Variants in CDH20 observed in about 807,000 individuals in gnomAD.
The protein encoded by CDH20 is cadherin-20.
In CDH20, 29 loss-of-function variants were observed where a neutral mutation model predicts 74.2. The observed-to-expected ratio is 0.39, with a 90% CI of 0.29 to 0.53. The LOEUF is 0.53. Ranked by LOEUF, CDH20 falls within the 20% of genes least tolerant of loss-of-function variation. CDH20 has a pLI of 0.69. For missense variants in CDH20, 988 were observed against 1,048.3 expected (o/e 0.94, Z 0.79); for synonymous variants, 469 against 405.4 (o/e 1.16, Z -1.88).
intron 1 of CDH20, among the ~76,000 whole-genome samples, chr18:61,369,584 A>C (rs556236877): frequency 6.6e-6 from 1 of 152,246 alleles, no homozygotes; most frequent in East Asian, 1.9e-4. Context: ...AAAGGAATAT[A>C]AATCATTCTG....
At chr18:61,490,229 C>A (rs554905453) in intron 1 of CDH20, among the ~76,000 whole-genome samples, 173 bp from the exon 2 acceptor site, 1 of 152,192 alleles carries the variant, frequency 6.6e-6, no homozygotes, top group African/African-American at 2.4e-5. Context: ...GATGTGTTGT[C>A]TTATTATCAA....
chr18:61,482,838 T>G (rs953015165), intron 1 of CDH20, among the ~76,000 whole-genome samples: 2 of 152,154 alleles, frequency 1.3e-5, no homozygotes, highest in African/African-American at 4.8e-5. Context: ...AGTTGCTCAC[T>G]ATGAACTATG....
chr18:61,461,207 T>C (rs542574744), intron 1 of CDH20, among the ~76,000 whole-genome samples: 23 of 151,748 alleles, frequency 1.5e-4, no homozygotes, highest in Admixed American at 1.3e-3. Flanking sequence ...TCAAACAGTA[T>C]ATAAAACTAC....
chr18:61,442,148 G>A (rs1909052079), intron 1 of CDH20, among the ~76,000 whole-genome samples: 1 of 151,876 alleles, frequency 6.6e-6, no homozygotes, highest in Non-Finnish European at 1.5e-5. Context: ...CCAGGAATTC[G>A]AGACCAGCCT....
At chr18:61,390,772 T>C (rs934414504) in intron 1 of CDH20, among the ~76,000 whole-genome samples, 10 of 151,306 alleles carry the variant, frequency 6.6e-5, no homozygotes, top group African/African-American at 2.4e-4. Flanking sequence ...GGGAAGGAAA[T>C]AGTGGTTATT....
At chr18:61,361,048 TTTGA>T (rs1487244796) in intron 1 of CDH20, among the ~76,000 whole-genome samples, 1 of 152,248 alleles carries the variant, frequency 6.6e-6, no homozygotes, top group Non-Finnish European at 1.5e-5. Context: ...GGACAATTAA[TTTGA>T]TTATCATTCA....
chr18:61,434,497 C>T (rs1908762564), intron 1 of CDH20, among the ~76,000 whole-genome samples: 1 of 152,070 alleles, frequency 6.6e-6, no homozygotes, highest in South Asian at 2.1e-4. Context: ...CACCTCAGGC[C>T]CTGTAAGGGA....
In CDH20 at chr18:61,554,696, C is replaced by T. The variant is rs781286742; in HGVS notation, c.*1C>T. On this transcript the variant is annotated 3_prime_UTR_variant, in exon 12 of 12. Transcript: ENST00000262717. ...GGAGGGACCCGCGCCGCTGTGGTGA[C>T]GGAAGCCAGGAGGCAGGCGCGCGTC... 12 of 1,558,016 alleles carry T rather than the reference C, an allele frequency of 7.7e-6. No homozygotes were observed. Among genetic ancestry groups the T allele is most frequent in the South Asian group, 1.2e-5 (1 of 86,160 alleles).
chr18:61,363,300 C>T (rs1910759188), intron 1 of CDH20, among the ~76,000 whole-genome samples: 1 of 152,108 alleles, frequency 6.6e-6, no homozygotes, highest in African/African-American at 2.4e-5. Context: ...CAGAAGCCCT[C>T]GGTGCAGATC....
Position 61,486,918 on chromosome 18 carries a change from G to C in CDH20, c.-152-3484G>C, listed in dbSNP as rs375860043. Reference sequence around the variant, plus strand: ...AAGAAATCAGAGCAAGACCATAAAAGCCCAGTTCATTTCAAGGAGAAAGCA... The same window carrying C: ...AAGAAATCAGAGCAAGACCATAAAACCCCAGTTCATTTCAAGGAGAAAGCA... On this transcript the variant is annotated intron_variant, in intron 1 of 11. Transcript: ENST00000262717. Among the ~76,000 whole-genome samples, 276 of 152,262 alleles carry C rather than the reference G, an allele frequency of 1.8e-3. 9 individuals carry two copies. In the South Asian group the frequency reaches 0.034, roughly 19 times the overall value.
intron 7 of CDH20, 25 bp downstream of exon 7, chr18:61,528,245 C>G: frequency 1.2e-6 from 2 of 1,608,968 alleles, no homozygotes; most frequent in Non-Finnish European, 1.7e-6. Context: ...TTCACCTTTT[C>G]CTTATATGCT....
At chr18:61,417,371 G>A (rs1050375104) in intron 1 of CDH20, among the ~76,000 whole-genome samples, 4 of 151,840 alleles carry the variant, frequency 2.6e-5, no homozygotes, top group African/African-American at 9.7e-5. Context: ...CAATAGCCAA[G>A]ATAAGGAATC....
chr18:61,530,946 C>T (rs939712154), intron 7 of CDH20, among the ~76,000 whole-genome samples: 1 of 152,214 alleles, frequency 6.6e-6, no homozygotes, highest in Admixed American at 6.5e-5. Flanking sequence ...CTACTGCTGG[C>T]TCTGGGCAGC....
At chr18:61,484,889 T>G (rs1441210292) in intron 1 of CDH20, among the ~76,000 whole-genome samples, 2 of 152,088 alleles carry the variant, frequency 1.3e-5, no homozygotes, top group Non-Finnish European at 2.9e-5. Context: ...ATTTATGAGC[T>G]CCCAGTCTCA....
chr18:61,553,813 G>A (rs185277998), intron 11 of CDH20, among the ~76,000 whole-genome samples: 66 of 152,256 alleles, frequency 4.3e-4, no homozygotes, highest in Non-Finnish European at 8.4e-4. Flanking sequence ...CATATAAACA[G>A]AGCACGTGAT....
chr18:61,507,305 T>G, intron 5 of CDH20, 68 bp from the exon 6 acceptor site: 1 of 1,423,312 alleles, frequency 7.0e-7, no homozygotes. Context: ...ACTCCTGATA[T>G]GATAATGATG....
At chr18:61,539,541 G>T (rs373747251) in intron 9 of CDH20, among the ~76,000 whole-genome samples, 35 of 152,300 alleles carry the variant, frequency 2.3e-4, no homozygotes, top group African/African-American at 8.2e-4. Flanking sequence ...GCCGTATAAG[G>T]TATGTGTCCA....
At chr18:61,411,502 C>T (rs1411439410) in intron 1 of CDH20, among the ~76,000 whole-genome samples, 50 of 150,784 alleles carry the variant, frequency 3.3e-4, no homozygotes, top group Admixed American at 3.2e-3. Flanking sequence ...GTGGAACCAA[C>T]CCAAATGCCC....
chr18:61,461,008 G>A (rs537775679), intron 1 of CDH20, among the ~76,000 whole-genome samples: 1 of 152,110 alleles, frequency 6.6e-6, no homozygotes, highest in South Asian at 2.1e-4. Flanking sequence ...TATATTTTCT[G>A]TTCACTAACG....
Sources: allele counts gnomAD v4.1 joint callset (sites outside exome capture counted in the v4.1 genomes callset), GRCh38; gene constraint gnomAD v4.1.1; transcripts MANE v1.5; gene names NCBI Gene and HGNC (gene_info 2026-07-23, HGNC 2026-07-21).